Variants in KRT76 observed in about 807,000 individuals in gnomAD.
The protein encoded by KRT76 is keratin, type II cytoskeletal 2 oral.
Under a neutral mutation model 44.9 loss-of-function variants are expected in KRT76, and 47 were observed. The observed-to-expected ratio is 1.05, with a 90% CI of 0.83 to 1.33. The LOEUF (loss-of-function observed/expected upper bound fraction) is 1.33. Ranked by LOEUF, KRT76 falls within the 40% of genes most tolerant of loss-of-function variation. The probability of loss-of-function intolerance (pLI) is 0.00; values close to 1 mark genes in which losing one functional copy is unlikely to be tolerated. For missense variants in KRT76, 860 were observed against 775.8 expected (o/e 1.11, Z -1.29); for synonymous variants, 331 against 294.1 (o/e 1.13, Z -1.28).
At chr12:52,772,730 G>T in intron 4 of KRT76, 53 bp downstream of exon 4, 1 of 1,306,644 alleles carries the variant, frequency 7.7e-7, no homozygotes. Flanking sequence ...CTAAAGTTAT[G>T]CTTGGGAAGA....
chr12:52,770,987 A>T lies in KRT76; in HGVS notation c.1484+12T>A. On this transcript the variant is annotated intron_variant, in intron 7 of 8. Transcript: ENST00000332411. ...ACCATATCTGGAGAATGGTGATCCC[A>T]TGGCCCCTCACCTGCACTCCTCTCC... is the stretch of plus-strand genomic sequence containing the variant. The T allele has an allele frequency of 6.2e-7, 1 of 1,613,954 alleles. No individual in the cohort carries two copies. The highest frequency in any genetic ancestry group is 8.5e-7 in the Non-Finnish European group (1 of 1,179,922).
Position 52,777,156 on chromosome 12 carries a change from A to T in KRT76, c.136T>A (p.Phe46Ile). ...CCAAAGCTGCCTGCTCCGCTCCTGA[A>T]GCCACAGGCCCCTCCACCAGCTCCC... The part of the protein sequence containing the change: ...SGGAGGGACG[F>I]RSGAGSFGSR... The change falls in exon 1 of 9, where the codon TTC becomes ATC. Residue 46 changes from phenylalanine to isoleucine, a missense_variant. By Grantham distance (21) the Phe-to-Ile change is conservative. Transcript: ENST00000332411. 1 of 1,614,168 alleles carries T rather than the reference A, an allele frequency of 6.2e-7. No individual in the cohort carries two copies. The highest frequency in any genetic ancestry group is 8.5e-7 in the Non-Finnish European group (1 of 1,180,020).
intron 2 of KRT76, among the ~76,000 whole-genome samples, chr12:52,774,731 G>A (rs968794231): frequency 2.6e-5 from 4 of 152,224 alleles, no homozygotes; most frequent in African/African-American, 9.6e-5. Flanking sequence ...TTGTGTGGTT[G>A]AATTGGAATA....
Position 52,771,284 on chromosome 12 carries a change from A to G in KRT76, c.1264-65T>C, listed in dbSNP as rs370995458. 20 of 1,461,940 alleles carry G rather than the reference A, an allele frequency of 1.4e-5. No homozygotes were observed. The East Asian group carries it at 3.6e-4, about 27-fold the overall frequency. The allele number at this position is 1,461,940 out of a possible 1,614,324, so 90.6% of individuals were successfully genotyped here. ...AACACTTGATCCTTACTAGGAGTAG[A>G]TCTCTTCCCCCACATCCTGCATCCC... On this transcript the variant is annotated intron_variant, in intron 6 of 8. Coordinates refer to ENST00000332411, the MANE Select transcript of KRT76 (RefSeq NM_015848.4).
chr12:52,770,388 C>A (rs905164991), intron 7 of KRT76, among the ~76,000 whole-genome samples: 4 of 152,160 alleles, frequency 2.6e-5, no homozygotes, highest in African/African-American at 9.7e-5. Context: ...TCTTGACACT[C>A]CTTTAGCATT....
Position 52,776,588 on chromosome 12 carries a change from G to C in KRT76, c.600+104C>G, listed in dbSNP as rs970494836. ...GGACCAAGACAGCACCAGGACAAGA[G>C]CCAAGCGCCCCTGCCCTGTGTCTCA... On this transcript the variant is annotated intron_variant, in intron 1 of 8. Transcript: ENST00000332411. 4 of 1,584,296 alleles carry C rather than the reference G, an allele frequency of 2.5e-6. No homozygotes were observed. The Admixed American group carries it at 5.1e-5, about 20-fold the overall frequency.
Position 52,775,413 on chromosome 12 carries a change from C to T in KRT76, c.790G>A (p.Asp264Asn), listed in dbSNP as rs1374049514. 7 of 1,614,094 alleles carry T rather than the reference C, an allele frequency of 4.3e-6. No homozygotes were observed. The highest frequency in any genetic ancestry group is 4.0e-5 in the African/African-American group (3 of 74,934). The change falls in exon 2 of 9, where the codon GAC becomes AAC. Residue 264 changes from aspartate to asparagine, a missense_variant. Transcript: ENST00000332411. ...NLEGELKSMQ[D>N]LVEDFKKKYE... is the part of the protein sequence containing the mutation. ...TTCTTTTTGAAGTCTTCCACCAGGT[C>T]CTGCATGCTTTTCAGCTCTCCCTCC...
At chr12:52,770,536 G>T (rs1439502559) in intron 7 of KRT76, among the ~76,000 whole-genome samples, 1 of 152,144 alleles carries the variant, frequency 6.6e-6, no homozygotes, top group Non-Finnish European at 1.5e-5. Context: ...GAGCTTTCCA[G>T]TATGGTAGCC....
At position 52,772,182 on chromosome 12, in the gene KRT76, A is replaced by T; in HGVS notation, c.1049T>A (p.Leu350Gln). ...GCGGACCTCGGCAATGATGCTGCCC[A>T]GGTCCAGGCAGCGGTTGTTGTCCAT... ...LSMDNNRCLD[L>Q]GSIIAEVRAQ... is the part of the protein sequence containing the mutation. The change falls in exon 5 of 9, where the codon CTG becomes CAG. Residue 350 changes from leucine to glutamine, a missense_variant. Physicochemically the swap from Leu to Gln is moderately radical, Grantham distance 113. Coordinates refer to ENST00000332411, the MANE Select transcript of KRT76 (RefSeq NM_015848.4). The T allele has an allele frequency of 6.2e-7, 1 of 1,613,728 alleles. No homozygotes were observed. Among genetic ancestry groups the T allele is most frequent in the Non-Finnish European group, 8.5e-7 (1 of 1,179,760 alleles).
In KRT76 at chr12:52,768,839, T is replaced by C; in HGVS notation, c.1791A>G (p.Gly597=). 1 of 1,613,894 alleles carries C rather than the reference T, an allele frequency of 6.2e-7. No homozygotes were observed. Among genetic ancestry groups the C allele is most frequent in the African/African-American group, 1.3e-5 (1 of 74,992 alleles). ...GGATGCTGCCAGAGCTGGAGCCCAT[T>C]CCACTGTGGCTCACGGAGATGCTAC... ...GAGSISVSHS[G]MGSSSGSIQT... is the part of the protein sequence containing the mutation. The change falls in exon 9 of 9, where the codon GGA becomes GGG. Residue 597 remains glycine, a synonymous_variant. Transcript: ENST00000332411.
Position 52,768,463 on chromosome 12 carries a change from T to G in KRT76, c.*250A>C, listed in dbSNP as rs1592291933. 3 of 449,632 alleles carry G rather than the reference T, an allele frequency of 6.7e-6. No homozygotes were observed. The highest frequency in any genetic ancestry group is 1.2e-5 in the Non-Finnish European group (3 of 251,802). The allele number at this position is 449,632 out of a possible 1,614,324, so 27.9% of individuals were successfully genotyped here. On this transcript the variant is annotated 3_prime_UTR_variant, in exon 9 of 9. Transcript: ENST00000332411. ...GCCAAAACTGGCTTGGGCTCAGGGG[T>G]TGCTGTCCAAAGTAAGGGGCCATTG... is the stretch of plus-strand genomic sequence containing the variant.
At chr12:52,772,497 G>T (rs1206481343) in intron 4 of KRT76, among the ~76,000 whole-genome samples, 1 of 152,238 alleles carries the variant, frequency 6.6e-6, no homozygotes, top group Non-Finnish European at 1.5e-5. Context: ...GAGTCTTATT[G>T]TGTAAGTTTC....
Position 52,775,444 on chromosome 12 carries a change from C to G in KRT76, c.759G>C (p.Gly253=), listed in dbSNP as rs1383131674. 3.7e-6 allele frequency: 6 copies of G among 1,614,128 alleles called. No individual in the cohort carries two copies. The highest frequency in any genetic ancestry group is 5.1e-6 in the Non-Finnish European group (6 of 1,179,990). ...KQLDSLLGER[G]NLEGELKSMQ... is the part of the protein sequence containing the mutation. Reference sequence around the variant, plus strand: ...TGCTTTTCAGCTCTCCCTCCAGGTTCCCCCTCTCCCCTAGAAGTGAATCTA... The same window carrying G: ...TGCTTTTCAGCTCTCCCTCCAGGTTGCCCCTCTCCCCTAGAAGTGAATCTA... Residue 253 remains glycine (G), a synonymous_variant, in exon 2 of 9, where the codon GGG becomes GGC. Coordinates refer to ENST00000332411, the MANE Select transcript of KRT76 (RefSeq NM_015848.4).
chr12:52,771,067 C>T lies in KRT76; in HGVS notation c.1416G>A (p.Met472Ile). 6.2e-7 allele frequency: 1 copy of T among 1,614,158 alleles called. No individual in the cohort carries two copies. Among genetic ancestry groups the T allele is most frequent in the Non-Finnish European group, 8.5e-7 (1 of 1,180,020 alleles). ...CCACATCCAGGGCCAGCTTGACGTT[C>T]ATCAGCTCCTGGTAGTCACGCAGGA... ...ARLLRDYQEL[M>I]NVKLALDVEI... The change falls in exon 7 of 9, where the codon ATG becomes ATA. Residue 472 changes from methionine (M) to isoleucine (I), a missense_variant. Physicochemically the swap from Met to Ile is conservative, Grantham distance 10. Transcript: ENST00000332411.
Position 52,772,248 on chromosome 12 carries a change from T to C in KRT76, c.983A>G (p.Gln328Arg), listed in dbSNP as rs202087908. 140 of 1,600,028 alleles carry C rather than the reference T, an allele frequency of 8.7e-5. No homozygotes were observed. The highest frequency in any genetic ancestry group is 1.1e-4 in the Non-Finnish European group (126 of 1,172,920). The change falls in exon 5 of 9, where the codon CAG becomes CGG. Residue 328 changes from glutamine to arginine, a missense_variant. Physicochemically the swap from Gln to Arg is conservative, Grantham distance 43 (BLOSUM62 1). Transcript: ENST00000332411. ...CGTGTCACTGGCATGGCTTTGCATC[T>C]GGGACAGCTCCTGCAGGAAACATGG... ...LRTLYEMELS[Q>R]MQSHASDTSV...
In KRT76 at chr12:52,768,920, C is replaced by A; in HGVS notation, c.1710G>T (p.Arg570Ser). Residue 570 changes from arginine (R) to serine (S), a missense_variant, in exon 9 of 9, where the codon AGG becomes AGT. Coordinates refer to ENST00000332411, the MANE Select transcript of KRT76 (RefSeq NM_015848.4). ...TGCTCTGGTAGCTCCCGCTGCTACCCCTGCCCCCAGTGCTGCCACTGCTGA... is the reference window on the plus strand; with the variant it reads ...TGCTCTGGTAGCTCCCGCTGCTACCACTGCCCCCAGTGCTGCCACTGCTGA... The part of the protein sequence containing the change: ...GGVSSGSTGG[R>S]GSSGSYQSSS... 1 of 1,583,014 alleles carries A rather than the reference C, an allele frequency of 6.3e-7. No individual in the cohort carries two copies. The highest frequency in any genetic ancestry group is 1.7e-4 in the Middle Eastern group (1 of 6,024).
chr12:52,775,243 C>T (rs1939242251), intron 2 of KRT76, 145 bp downstream of exon 2: 2 of 730,564 alleles, frequency 2.7e-6, no homozygotes, highest in Non-Finnish European at 4.6e-6. Flanking sequence ...CCTTTCACCC[C>T]CTTCTGCTTT....
chr12:52,775,263 C>T (rs1343450201), intron 2 of KRT76, 125 bp downstream of exon 2: 2 of 829,474 alleles, frequency 2.4e-6, no homozygotes, highest in Non-Finnish European at 4.0e-6. Flanking sequence ...TGTCATGTTT[C>T]ACTCAATAAA....
At chr12:52,772,914 C>T in intron 3 of KRT76, 36 bp from the exon 4 acceptor site, 1 of 1,472,870 alleles carries the variant, frequency 6.8e-7, no homozygotes, top group Non-Finnish European at 9.5e-7. Context: ...GAATGACCCT[C>T]TGTTCCCCTC....
Sources: allele counts gnomAD v4.1 joint callset (sites outside exome capture counted in the v4.1 genomes callset), GRCh38; gene constraint gnomAD v4.1.1; transcripts MANE v1.5; gene names NCBI Gene and HGNC (gene_info 2026-07-23, HGNC 2026-07-21).